The following TLDC2 variants were observed in gnomAD, a reference collection of about 807,000 sequenced individuals.
TLDC2 encodes the protein TLD domain-containing protein 2.
In TLDC2, 23 loss-of-function variants were observed where a neutral mutation model predicts 27.9. That is an observed-to-expected ratio of 0.82 (90% confidence interval 0.59 to 1.17). The LOEUF (loss-of-function observed/expected upper bound fraction) is 1.17. Ranked by LOEUF, TLDC2 falls within the 50% of genes most tolerant of loss-of-function variation. TLDC2 has a pLI of 0.00. For missense variants in TLDC2, 286 were observed against 273.4 expected, an observed-to-expected ratio of 1.05 and a Z score of -0.32; for synonymous variants, 124 against 107.4, an observed-to-expected ratio of 1.16 and a Z score of -0.96.
chr20:36,877,065 C>T (rs562310870), intron 1 of TLDC2, among the ~76,000 whole-genome samples: 1 of 152,224 alleles, frequency 6.6e-6, no homozygotes, highest in Admixed American at 6.5e-5. Context: ...GCTTCATTTT[C>T]TTCCTTTGGA....
At chr20:36,884,055 C>T (rs1375095700) in intron 4 of TLDC2, among the ~76,000 whole-genome samples, 3 of 152,192 alleles carry the variant, frequency 2.0e-5, no homozygotes, top group Non-Finnish European at 4.4e-5. Flanking sequence ...GATCGTGCTG[C>T]TGCACTCTAG....
Position 36,889,323 on chromosome 20 carries a change from C to T in TLDC2, c.585C>T (p.Asn195=), listed in dbSNP as rs112597494. Residue 195 remains asparagine (N), a synonymous_variant, in exon 6 of 7, where the codon AAC becomes AAT. Transcript: ENST00000217320. ...GCTCCCCTTGCCCGACCTTCAACAA[C>T]GAGGTGCTGGCCCGGCAGGAGCAGT... ...GGSSPCPTFN[N]EVLARQEQFC... is the part of the protein sequence containing the mutation. 4.2e-5 allele frequency: 67 copies of T among 1,614,096 alleles called. No individual in the cohort carries two copies. Among genetic ancestry groups the T allele is most frequent in the African/African-American group, 1.3e-4 (10 of 74,936 alleles).
chr20:36,880,070 C>CATATATATATATATGT (rs1989768064), intron 3 of TLDC2, among the ~76,000 whole-genome samples: 7 of 73,054 alleles, frequency 9.6e-5, no homozygotes, highest in African/African-American at 3.3e-4. Flanking sequence ...TATATATATA[C>CATATATATATATATGT]ATATATATAT....
chr20:36,880,753 G>T lies in TLDC2; in HGVS notation c.438+3G>T, dbSNP rs758747324. The T allele has an allele frequency of 1.1e-5, 17 of 1,613,800 alleles. No individual in the cohort carries two copies. Among genetic ancestry groups the T allele is most frequent in the Non-Finnish European group, 1.4e-5 (17 of 1,179,696 alleles). ...TCTCCTTCTCCCCACAGCTGAAGGT[G>T]ATGTTCCCAACCTTCCATGGGGGGA... On this transcript the variant is annotated splice_donor_region_variant and intron_variant, in intron 4 of 6. Transcript: ENST00000217320.
intron 4 of TLDC2, among the ~76,000 whole-genome samples, chr20:36,884,366 G>A (rs757755542): frequency 1.3e-5 from 2 of 152,134 alleles, no homozygotes; most frequent in Admixed American, 6.6e-5. Flanking sequence ...TGCCTAGAAT[G>A]TCCCTCCACT....
chr20:36,893,462 A>G lies in TLDC2; in HGVS notation c.*618A>G, dbSNP rs927216860. 2 of 299,178 alleles carry G rather than the reference A, an allele frequency of 6.7e-6. No homozygotes were observed. Among genetic ancestry groups the G allele is most frequent in the African/African-American group, 2.1e-5 (1 of 46,702 alleles). 18.5% of individuals were successfully genotyped at this position (299,178 alleles called of 1,614,324 possible). On this transcript the variant is annotated 3_prime_UTR_variant, in exon 7 of 7. Coordinates refer to ENST00000217320, the MANE Select transcript of TLDC2 (RefSeq NM_080628.3). ...CTGCAATAAAAGGCCCAGGTCTACA[A>G]GATGGCAAAGAAGGGGAGGAAGAAC...
chr20:36,889,416 G>A lies in TLDC2; in HGVS notation c.*17+13G>A. 6.2e-7 allele frequency: 1 copy of A among 1,608,376 alleles called. No homozygotes were observed. Among genetic ancestry groups the A allele is most frequent in the Non-Finnish European group, 8.5e-7 (1 of 1,178,092 alleles). ...CCTGCGGCAACAGGTACTCAGCCCT[G>A]CTCATGATGCCACCCAGGCCTTCCT... On this transcript the variant is annotated intron_variant, in intron 6 of 6. Transcript: ENST00000217320.
intron 3 of TLDC2, among the ~76,000 whole-genome samples, chr20:36,879,632 A>T (rs1024191): frequency 0.76 from 115,906 of 151,758 alleles, 45,209 homozygotes; most frequent in Middle Eastern, 0.88. Flanking sequence ...AGTCCAGGAG[A>T]TCAAGACCAG....
chr20:36,885,337 CTT>C (rs1408114161), intron 4 of TLDC2, among the ~76,000 whole-genome samples: 1 of 152,150 alleles, frequency 6.6e-6, no homozygotes, highest in Non-Finnish European at 1.5e-5. Flanking sequence ...AAATGAGTAA[CTT>C]TTTCAGGGGA....
chr20:36,877,593 A>G (rs1989700793), intron 1 of TLDC2, among the ~76,000 whole-genome samples: 1 of 151,862 alleles, frequency 6.6e-6, no homozygotes, highest in Non-Finnish European at 1.5e-5. Flanking sequence ...CCCACCCAGG[A>G]CCATGGCAAA....
chr20:36,880,545 C>G, intron 3 of TLDC2, 110 bp from the exon 4 acceptor site: 1 of 841,068 alleles, frequency 1.2e-6, no homozygotes, highest in South Asian at 1.7e-5. Flanking sequence ...TCTGCCCCAG[C>G]TTCCCAGGTG....
chr20:36,880,677 C>T lies in TLDC2; in HGVS notation c.365C>T (p.Ser122Leu), dbSNP rs1352575135. The T allele has an allele frequency of 1.4e-5, 22 of 1,614,220 alleles. No individual in the cohort carries two copies. The highest frequency in any genetic ancestry group is 8.9e-5 in the East Asian group (4 of 44,884). Residue 122 changes from serine (S) to leucine (L), a missense_variant, in exon 4 of 7, where the codon TCG (serine) becomes TTG (leucine). By Grantham distance (145) the Ser-to-Leu change is moderately radical. Coordinates refer to ENST00000217320, the MANE Select transcript of TLDC2 (RefSeq NM_080628.3). ...DGQIFGAFSS[S>L]AIRLSKGFYG... is the part of the protein sequence containing the mutation. ...CAGATATTTGGAGCCTTCTCCTCCT[C>T]GGCTATCCGACTCAGCAAAGGCTTC...
rs1370498988 is a variant in TLDC2 at position 36,893,645 on chromosome 20, A to C, written c.*801A>C. ...CGTGAAACCATAGAGGTAAGAAGCA[A>C]GGCCTCCTAATACTTGACTCTATGC... On this transcript the variant is annotated 3_prime_UTR_variant, in exon 7 of 7. Coordinates refer to ENST00000217320, the MANE Select transcript of TLDC2 (RefSeq NM_080628.3). 6 of 377,914 alleles carry C rather than the reference A, an allele frequency of 1.6e-5. No homozygotes were observed. Among genetic ancestry groups the C allele is most frequent in the East Asian group, 3.9e-5 (1 of 25,528 alleles). The allele number at this position is 377,914 out of a possible 1,614,324, so 23.4% of individuals were successfully genotyped here. A position where few individuals can be genotyped will look rare whatever the true frequency, so the allele number is the denominator to read the frequency against.
chr20:36,887,528 G>C lies in TLDC2; in HGVS notation c.512G>C (p.Ser171Thr). 6.2e-7 allele frequency: 1 copy of C among 1,613,814 alleles called. No individual in the cohort carries two copies. Among genetic ancestry groups the C allele is most frequent in the Non-Finnish European group, 8.5e-7 (1 of 1,179,704 alleles). ...DLDSLMMGSGSGRFGLWLDGD... is the reference protein window; with the variant it reads ...DLDSLMMGSGTGRFGLWLDGD... ...GATTCACTGATGATGGGCAGTGGCA[G>C]GTGAGTGTCTCAGTCTTCCCGAGTC... is the stretch of plus-strand genomic sequence containing the variant. Residue 171 changes from serine to threonine, a missense_variant and splice_region_variant, in exon 5 of 7, where the codon AGT (serine) becomes ACT (threonine). Transcript: ENST00000217320.
intron 1 of TLDC2, among the ~76,000 whole-genome samples, chr20:36,877,380 C>CAAA (rs372293425): frequency 4.2e-5 from 4 of 94,666 alleles, no homozygotes; most frequent in Admixed American, 2.3e-4. Context: ...GACCCTGTCT[C>CAAA]AAAAAAAAAA....
chr20:36,887,428 C>T (rs1471134251), intron 4 of TLDC2, 27 bp from the exon 5 acceptor site: 2 of 1,603,244 alleles, frequency 1.2e-6, no homozygotes, highest in South Asian at 1.1e-5. Flanking sequence ...GCTTAGTAAC[C>T]TGAGCCTTTC....
In TLDC2 at chr20:36,879,231, C is replaced by T. The variant is rs370224774; in HGVS notation, c.342+38C>T. ...GGGGCACCACCCGAGGCTCTGGGGG[C>T]ACCCCACCAGGTACTCATGGGCCCT... On this transcript the variant is annotated intron_variant, in intron 3 of 6. Transcript: ENST00000217320. 105 of 1,590,352 alleles carry T rather than the reference C, an allele frequency of 6.6e-5. 2 individuals are homozygous for T. The South Asian group carries it at 9.1e-4, about 14-fold the overall frequency.
chr20:36,888,254 C>A (rs1259985525), intron 5 of TLDC2, among the ~76,000 whole-genome samples: 1 of 151,680 alleles, frequency 6.6e-6, no homozygotes, highest in Non-Finnish European at 1.5e-5. Context: ...TTTTTTGAGA[C>A]AGAGTCTCGC....
In TLDC2 at chr20:36,887,529, G is replaced by A. The variant is rs372620586; in HGVS notation, c.512+1G>A. The A allele has an allele frequency of 2.8e-5, 45 of 1,613,788 alleles. No homozygotes were observed. The highest frequency in any genetic ancestry group is 3.8e-5 in the Non-Finnish European group (45 of 1,179,786). On this transcript the variant is annotated splice_donor_variant, in intron 5 of 6. Coordinates refer to ENST00000217320, the MANE Select transcript of TLDC2 (RefSeq NM_080628.3). LOFTEE classifies it high-confidence loss of function. Reference sequence around the variant, plus strand: ...ATTCACTGATGATGGGCAGTGGCAGGTGAGTGTCTCAGTCTTCCCGAGTCT... The same window carrying A: ...ATTCACTGATGATGGGCAGTGGCAGATGAGTGTCTCAGTCTTCCCGAGTCT...
Sources: allele counts gnomAD v4.1 joint callset (sites outside exome capture counted in the v4.1 genomes callset), GRCh38; gene constraint gnomAD v4.1.1; transcripts MANE v1.5; gene names NCBI Gene and HGNC (gene_info 2026-07-23, HGNC 2026-07-21).